The following NELL2 variants were observed in gnomAD, a reference collection of about 807,000 sequenced individuals.
NELL2 encodes neural EGFL like 2, also known as protein kinase C-binding protein NELL2.
NELL2 carries 41 observed loss-of-function variants against 109.6 expected under a neutral mutation model. That is an observed-to-expected ratio of 0.37 (90% CI 0.29 to 0.49). The LOEUF (loss-of-function observed/expected upper bound fraction) is 0.49, where lower values mean the gene tolerates loss of function less well. NELL2 is among the 20% of genes least tolerant of loss of function. The pLI is 0.98. For synonymous variants in NELL2, 355 were observed against 344.7 expected, an observed-to-expected ratio of 1.03 and a Z score of -0.33; for missense variants, 900 against 1,008.3, an observed-to-expected ratio of 0.89 and a Z score of 1.45.
At chr12:44,556,636 A>T (rs960133191) in intron 15 of NELL2, among the ~76,000 whole-genome samples, 1 of 152,224 alleles carries the variant, frequency 6.6e-6, no homozygotes, top group Non-Finnish European at 1.5e-5. Context: ...TGTTAAAGGT[A>T]CTAACCCAGC....
chr12:44,614,006 T>C (rs1375870143), intron 13 of NELL2, among the ~76,000 whole-genome samples: 1 of 152,046 alleles, frequency 6.6e-6, no homozygotes, highest in Non-Finnish European at 1.5e-5. Flanking sequence ...TAAATCAATA[T>C]TATGTTCCAA....
At chr12:44,885,639 A>C (rs1400669975) in intron 1 of NELL2, among the ~76,000 whole-genome samples, 1 of 151,988 alleles carries the variant, frequency 6.6e-6, no homozygotes, top group African/African-American at 2.4e-5. Flanking sequence ...AAAATACCTA[A>C]GTGGATAAAA....
intron 15 of NELL2, among the ~76,000 whole-genome samples, chr12:44,585,342 CT>C (rs777543227): frequency 2.2e-4 from 34 of 152,076 alleles, no homozygotes; most frequent in Non-Finnish European, 4.3e-4. Flanking sequence ...TGGCTCACAC[CT>C]GTAATCCCAG....
At chr12:44,637,312 A>G (rs1010752839) in intron 13 of NELL2, among the ~76,000 whole-genome samples, 1 of 149,826 alleles carries the variant, frequency 6.7e-6, no homozygotes, top group East Asian at 2.0e-4. Context: ...TTGCTCTTGA[A>G]CCCTTTTACA....
At position 44,883,373 on chromosome 12, in the gene NELL2, A is replaced by T. The variant is rs373213221; in HGVS notation, c.39-7473T>A. On this transcript the variant is annotated intron_variant, in intron 1 of 20. Transcript: ENST00000333837. ...GCAGGCAAAGTCTTTCTCACACTAC[A>T]CTCTCTCTGGTTCTCTGACTACAGT... 5.9e-5 allele frequency among the ~76,000 whole-genome samples: 9 copies of T among 151,350 alleles called. No individual in the cohort carries two copies. The South Asian group carries it at 1.7e-3, about 28-fold the overall frequency.
At chr12:44,839,001 T>C (rs928463904) in intron 2 of NELL2, among the ~76,000 whole-genome samples, 1 of 152,216 alleles carries the variant, frequency 6.6e-6, no homozygotes, top group African/African-American at 2.4e-5. Flanking sequence ...ACCTGATAAC[T>C]GCAAGATGGC....
chr12:44,637,116 T>C (rs888703823), intron 13 of NELL2, among the ~76,000 whole-genome samples: 3 of 152,066 alleles, frequency 2.0e-5, no homozygotes, highest in Non-Finnish European at 4.4e-5. Flanking sequence ...TATCATTTTT[T>C]ATTGTGTCTA....
intron 15 of NELL2, among the ~76,000 whole-genome samples, chr12:44,541,208 G>A (rs1333562986): frequency 3.1e-5 from 4 of 128,042 alleles, no homozygotes; most frequent in Non-Finnish European, 6.2e-5. Flanking sequence ...CCGAGATCAC[G>A]CCACTGCACT....
At chr12:44,815,123 T>G (rs952178254) in intron 3 of NELL2, among the ~76,000 whole-genome samples, 3 of 152,158 alleles carry the variant, frequency 2.0e-5, no homozygotes, top group African/African-American at 7.2e-5. Context: ...TCTTAAACTA[T>G]TTGGTATTAC....
At chr12:44,615,827 A>G (rs1053074551) in intron 13 of NELL2, among the ~76,000 whole-genome samples, 7 of 152,178 alleles carry the variant, frequency 4.6e-5, no homozygotes, top group Non-Finnish European at 4.4e-5. Context: ...AAGGACAGAC[A>G]TCACTTTCTG....
intron 11 of NELL2, among the ~76,000 whole-genome samples, chr12:44,704,438 G>C (rs1341599790): frequency 6.6e-6 from 1 of 152,104 alleles, no homozygotes; most frequent in African/African-American, 2.4e-5. Context: ...AAATTTTTAG[G>C]AATTATAGAG....
At chr12:44,782,079 T>C (rs1454668439) in intron 3 of NELL2, among the ~76,000 whole-genome samples, 1 of 152,020 alleles carries the variant, frequency 6.6e-6, no homozygotes, top group African/African-American at 2.4e-5. Flanking sequence ...CAAAAGAGTC[T>C]GTGTCCTAAA....
At chr12:44,801,289 AAAG>A (rs1225736461) in intron 3 of NELL2, among the ~76,000 whole-genome samples, 1 of 152,160 alleles carries the variant, frequency 6.6e-6, no homozygotes, top group African/African-American at 2.4e-5. Context: ...CTGCTGAAAT[AAAG>A]AAGTAAATTG....
intron 14 of NELL2, among the ~76,000 whole-genome samples, chr12:44,608,798 T>TA (rs1268880711): frequency 2.0e-5 from 3 of 151,656 alleles, no homozygotes; most frequent in African/African-American, 7.2e-5. Flanking sequence ...CCTAAGGACT[T>TA]AGTTATATTG....
At chr12:44,645,210 T>C (rs928381094) in intron 13 of NELL2, among the ~76,000 whole-genome samples, 2 of 152,050 alleles carry the variant, frequency 1.3e-5, no homozygotes, top group Non-Finnish European at 2.9e-5. Context: ...AGGGGACACA[T>C]GATAGCTTTG....
chr12:44,643,857 C>CA (rs1566075411), intron 13 of NELL2, among the ~76,000 whole-genome samples: 2 of 152,052 alleles, frequency 1.3e-5, no homozygotes, highest in Middle Eastern at 6.8e-3. Flanking sequence ...AAATGAACAA[C>CA]AACAAAAAAG....
chr12:44,665,355 G>A (rs569181782), intron 13 of NELL2, 129 bp downstream of exon 13: 3 of 716,642 alleles, frequency 4.2e-6, no homozygotes, highest in Non-Finnish European at 6.4e-6. Context: ...ACCAAATCAA[G>A]AAGATATGAT....
chr12:44,800,402 T>C (rs1333708379), intron 3 of NELL2, among the ~76,000 whole-genome samples: 2 of 152,170 alleles, frequency 1.3e-5, no homozygotes, highest in African/African-American at 2.4e-5. Flanking sequence ...CCCAAGAGAA[T>C]ACACTAATCT....
intron 15 of NELL2, among the ~76,000 whole-genome samples, chr12:44,563,598 G>A (rs1177447977): frequency 1.3e-5 from 2 of 152,160 alleles, no homozygotes; most frequent in Admixed American, 1.3e-4. Flanking sequence ...ACATTTGTGA[G>A]TAATTACAAG....
Sources: gnomAD v4.1 joint callset for allele counts (sites outside exome capture counted in the v4.1 genomes callset) on GRCh38, gnomAD v4.1.1 for gene constraint, MANE v1.5 for transcripts, NCBI Gene and HGNC (gene_info 2026-07-23, HGNC 2026-07-21) for gene names.